Variants in CCDC78 observed in about 807,000 individuals in gnomAD.
CCDC78 encodes the protein coiled-coil domain containing 78, also known as coiled-coil domain-containing protein 78.
CCDC78 carries 78 observed loss-of-function variants against 61.9 expected under a neutral mutation model. That is an observed-to-expected ratio of 1.26 (90% confidence interval 1.05 to 1.52). The LOEUF is 1.52. Among genes scored for constraint, CCDC78 ranks in the 40% most tolerant of loss-of-function variants. The pLI, the probability that CCDC78 is intolerant of heterozygous loss-of-function variation, is 0.00. For synonymous variants in CCDC78, 287 were observed against 251.9 expected, an observed-to-expected ratio of 1.14 and a Z score of -1.32; for missense variants, 737 against 615.5, an observed-to-expected ratio of 1.20 and a Z score of -2.09.
chr16:723,552 C>T (rs1034419950), intron 11 of CCDC78: 13 of 675,536 alleles, frequency 1.9e-5, no homozygotes, highest in African/African-American at 8.8e-5. Context: ...GGTCACCAGG[C>T]GCCCTGCTCC....
rs769082660 is a variant in CCDC78, at chr16:723,959, C to T, written c.1054-23G>A. The T allele has an allele frequency of 1.4e-5, 23 of 1,599,790 alleles. No individual in the cohort carries two copies. The Admixed American group carries it at 2.2e-4, about 15-fold the overall frequency. ...GTGCTACAGAGGTTTGTGGTGGGGA[C>T]GTTTCAGTTGGCTGAACAAGGCAAG... On this transcript the variant is annotated intron_variant, in intron 10 of 13. Transcript: ENST00000345165.
chr16:724,149 A>G lies in CCDC78; in HGVS notation c.1010T>C (p.Leu337Ser). ...GAAGTCAGTGACCAGGGGCACGGGC[A>G]ATGGTTCCAGGTCCAAGCTGGCTAT... ...FDIASLDLEP[L>S]PVPLVTDFSH... Residue 337 changes from leucine to serine, a missense_variant, in exon 10 of 14, where the codon TTG (leucine) becomes TCG (serine). Coordinates refer to ENST00000345165, the MANE Select transcript of CCDC78 (RefSeq NM_001378030.1). 6.2e-7 allele frequency: 1 copy of G among 1,605,580 alleles called. No homozygotes were observed. Among genetic ancestry groups the G allele is most frequent in the Non-Finnish European group, 8.5e-7 (1 of 1,176,122 alleles).
rs2040625066 is a variant in CCDC78, at chr16:724,411, A to T, written c.864T>A (p.Arg288=). Residue 288 remains arginine, a synonymous_variant, in exon 9 of 14, where the codon CGT becomes CGA. Transcript: ENST00000345165. ...LEDIRAAHRS[R]EQQLARAARS... is the part of the protein sequence containing the mutation. The stretch of plus-strand genomic sequence containing the variant: ...GGGCAGCCCGGGCCAGCTGCTGCTC[A>T]CGGCTGCGGTGCGCTGCCCGGATGT... 6.2e-7 allele frequency: 1 copy of T among 1,610,276 alleles called. No individual in the cohort carries two copies. The highest frequency in any genetic ancestry group is 8.5e-7 in the Non-Finnish European group (1 of 1,179,924).
rs1191531311 is a variant in CCDC78, at chr16:723,137, G to A, written c.1158C>T (p.Ala386=). 6.2e-7 allele frequency: 1 copy of A among 1,612,664 alleles called. No individual in the cohort carries two copies. The highest frequency in any genetic ancestry group is 1.1e-5 in the South Asian group (1 of 91,086). Reference sequence around the variant, plus strand: ...AGTCCCGGAGCTTCTGGTGGATCTGGGCCCAGGATGCAGCGTCCAGGCCCC... The same window carrying A: ...AGTCCCGGAGCTTCTGGTGGATCTGAGCCCAGGATGCAGCGTCCAGGCCCC... ...EPQGLDAASW[A]QIHQKLRDFS... The change falls in exon 12 of 14, where the codon GCC becomes GCT. Residue 386 remains alanine, a synonymous_variant. Transcript: ENST00000345165.
rs769402064 is a variant in CCDC78, at chr16:722,678, C to G, written c.1413G>C (p.Ter471TyrextTer30). ...KPQHPRTGSH[*>Y] ...TCTGCTCTGCTCCTTGGGAGACGGC[C>G]TAGTGGCTGCCGGTCCTTGGATGCT... is the stretch of plus-strand genomic sequence containing the variant. Residue 471 changes from the stop codon to tyrosine, a stop_lost, in exon 14 of 14, where the codon TAG (stop) becomes TAC (tyrosine). Coordinates refer to ENST00000345165, the MANE Select transcript of CCDC78 (RefSeq NM_001378030.1). The G allele has an allele frequency of 6.2e-7, 1 of 1,605,236 alleles. No homozygotes were observed. Among genetic ancestry groups the G allele is most frequent in the Non-Finnish European group, 8.5e-7 (1 of 1,179,772 alleles).
At position 724,771 on chromosome 16, in the gene CCDC78, TGCCTGACGGA is replaced by T; in HGVS notation, c.665_674del (p.Leu222GlnfsTer15). 6.2e-7 allele frequency: 1 copy of T among 1,612,158 alleles called. No homozygotes were observed. Among genetic ancestry groups the T allele is most frequent in the Non-Finnish European group, 8.5e-7 (1 of 1,179,772 alleles). On this transcript the variant is annotated frameshift_variant, in exon 8 of 14. Coordinates refer to ENST00000345165, the MANE Select transcript of CCDC78 (RefSeq NM_001378030.1). LOFTEE classifies it high-confidence loss of function. ...GCTGCAGCCGGGCATTTTCAGCCTC[TGCCTGACGGA>T]GCTGGCCTTGGCAGCTGCACAGCAC...
At position 724,322 on chromosome 16, in the gene CCDC78, C is replaced by T. The variant is rs2040612709; in HGVS notation, c.953G>A (p.Arg318Lys). Residue 318 changes from arginine (R) to lysine (K), a missense_variant and splice_region_variant, in exon 9 of 14, where the codon AGG becomes AAG. Transcript: ENST00000345165. ...CACCTCCCATCCCAGCGGGGCCCAC[C>T]TGTAGGCAACCAGTAGCTCTTCATG... is the stretch of plus-strand genomic sequence containing the variant. Reference protein sequence around the residue: ...RRHEELLVAYRAPGNPQAIFD... With the variant: ...RRHEELLVAYKAPGNPQAIFD... The T allele has an allele frequency of 1.9e-6, 3 of 1,610,262 alleles. No individual in the cohort carries two copies. Among genetic ancestry groups the T allele is most frequent in the African/African-American group, 1.3e-5 (1 of 74,896 alleles).
In CCDC78 at chr16:723,134, C is replaced by A; in HGVS notation, c.1161G>T (p.Gln387His). The change falls in exon 12 of 14, where the codon CAG becomes CAT. Residue 387 changes from glutamine (Q) to histidine (H), a missense_variant. By Grantham distance (24) the Gln-to-His change is conservative. Coordinates refer to ENST00000345165, the MANE Select transcript of CCDC78 (RefSeq NM_001378030.1). ...PQGLDAASWA[Q>H]IHQKLRDFSR... ...AGAAGTCCCGGAGCTTCTGGTGGAT[C>A]TGGGCCCAGGATGCAGCGTCCAGGC... 1 of 1,612,672 alleles carries A rather than the reference C, an allele frequency of 6.2e-7. No homozygotes were observed. Among genetic ancestry groups the A allele is most frequent in the Non-Finnish European group, 8.5e-7 (1 of 1,180,004 alleles).
Position 724,697 on chromosome 16 carries a change from C to T in CCDC78, c.749G>A (p.Cys250Tyr), listed in dbSNP as rs1284432438. The change falls in exon 8 of 14, where the codon TGC (cysteine) becomes TAC (tyrosine). Residue 250 changes from cysteine to tyrosine, a missense_variant. Transcript: ENST00000345165. ...AGGGCTCACCACTGCCTGCCAGGCG[C>T]AGTGTTGCAGCCGTAGGACGTACTC... ...KDEYVLRLQH[C>Y]AWQAVEHADG... 5 of 1,611,364 alleles carry T rather than the reference C, an allele frequency of 3.1e-6. No individual in the cohort carries two copies. The highest frequency in any genetic ancestry group is 3.4e-6 in the Non-Finnish European group (4 of 1,179,728).
intron 3 of CCDC78, 49 bp from the exon 4 acceptor site, chr16:725,629 G>A: frequency 6.3e-7 from 1 of 1,590,644 alleles, no homozygotes; most frequent in Non-Finnish European, 8.6e-7. Context: ...GGGCCACCTG[G>A]GGTAGGTGAA....
rs759037918 is a variant in CCDC78, at chr16:724,144, C to A, written c.1015G>T (p.Val339Leu). 1.9e-6 allele frequency: 3 copies of A among 1,603,994 alleles called. No individual in the cohort carries two copies. The highest frequency in any genetic ancestry group is 1.7e-5 in the Admixed American group (1 of 58,698). ...TGGCTGAAGTCAGTGACCAGGGGCA[C>A]GGGCAATGGTTCCAGGTCCAAGCTG... ...IASLDLEPLPVPLVTDFSHRE... is the reference protein window; with the variant it reads ...IASLDLEPLPLPLVTDFSHRE... The change falls in exon 10 of 14, where the codon GTG (valine) becomes TTG (leucine). Residue 339 changes from valine to leucine, a missense_variant. Coordinates refer to ENST00000345165, the MANE Select transcript of CCDC78 (RefSeq NM_001378030.1).
chr16:725,368 C>G lies in CCDC78; in HGVS notation c.435+45G>C. The G allele has an allele frequency of 1.9e-6, 3 of 1,611,538 alleles. No homozygotes were observed. The Middle Eastern group carries it at 5.0e-4, about 267-fold the overall frequency. On this transcript the variant is annotated intron_variant, in intron 4 of 13. Coordinates refer to ENST00000345165, the MANE Select transcript of CCDC78 (RefSeq NM_001378030.1). ...TTCACTGAGGCCCCTGCTGAGGCTTCCCTCTGGCCTTTCCCAGCCAGGCTC... is the reference window on the plus strand; with the variant it reads ...TTCACTGAGGCCCCTGCTGAGGCTTGCCTCTGGCCTTTCCCAGCCAGGCTC...
At chr16:724,629 C>A in intron 8 of CCDC78, 52 bp downstream of exon 8, 2 of 1,589,844 alleles carry the variant, frequency 1.3e-6, no homozygotes, top group Non-Finnish European at 1.7e-6. Context: ...ATCCAGCACA[C>A]CCAGGCCAGG....
intron 10 of CCDC78, 78 bp from the exon 11 acceptor site, chr16:724,014 G>C: frequency 1.4e-6 from 2 of 1,431,928 alleles, no homozygotes; most frequent in Non-Finnish European, 1.9e-6. Context: ...TGAGGTCTCT[G>C]TTGAGCCCAG....
In CCDC78 at chr16:724,476, T is replaced by C; in HGVS notation, c.799A>G (p.Thr267Ala). The C allele has an allele frequency of 6.2e-7, 1 of 1,600,658 alleles. No homozygotes were observed. Among genetic ancestry groups the C allele is most frequent in the Non-Finnish European group, 8.5e-7 (1 of 1,179,634 alleles). ...HADGAGQAPA[T>A]TALRTFLEAT... ...TCCAGGAATGTCCGGAGGGCCGTGGTGGCTGGCGCTTGGCCTGCACCATCT... is the reference window on the plus strand; with the variant it reads ...TCCAGGAATGTCCGGAGGGCCGTGGCGGCTGGCGCTTGGCCTGCACCATCT... Residue 267 changes from threonine to alanine, a missense_variant, in exon 9 of 14, where the codon ACC becomes GCC. Coordinates refer to ENST00000345165, the MANE Select transcript of CCDC78 (RefSeq NM_001378030.1).
At chr16:723,761 G>A (rs1255979520) in intron 11 of CCDC78, 96 bp downstream of exon 11, 9 of 1,119,944 alleles carry the variant, frequency 8.0e-6, no homozygotes, top group South Asian at 1.3e-5. Context: ...CCTGTCTGGC[G>A]GGGGCTTGGT....
chr16:725,972 C>A lies in CCDC78; in HGVS notation c.174G>T (p.Gln58His). Residue 58 changes from glutamine (Q) to histidine (H), a missense_variant, in exon 2 of 14, where the codon CAG becomes CAT. Transcript: ENST00000345165. ...PPDLALNKEQ[Q>H]LQISKELVDI... is the part of the protein sequence containing the mutation. Reference sequence around the variant, plus strand: ...GCTGGGGCCCCACACCCACCTGCAGCTGCTGCTCCTTATTGAGCGCTAGAT... The same window carrying A: ...GCTGGGGCCCCACACCCACCTGCAGATGCTGCTCCTTATTGAGCGCTAGAT... The A allele has an allele frequency of 1.3e-6, 2 of 1,555,310 alleles. No individual in the cohort carries two copies. The highest frequency in any genetic ancestry group is 2.3e-5 in the South Asian group (2 of 85,118).
chr16:725,756 TC>T, intron 3 of CCDC78, 37 bp downstream of exon 3: 1 of 1,584,594 alleles, frequency 6.3e-7, no homozygotes, highest in African/African-American at 1.3e-5. Context: ...GCACCCCCCG[TC>T]CCCCATGCAC....
In CCDC78 at chr16:725,425, G is replaced by A. The variant is rs1343103829; in HGVS notation, c.423C>T (p.Asp141=). ...HKAQVPGHSD[D]HRFQVQPKNT... The stretch of plus-strand genomic sequence containing the variant: ...TGCTCATGGTAACCTGGAATCTGTG[G>A]TCATCAGAGTGTCCAGGCACCTGGG... The change falls in exon 4 of 14, where the codon GAC becomes GAT. Residue 141 remains aspartate (D), a synonymous_variant. Transcript: ENST00000345165. 3 of 1,612,686 alleles carry A rather than the reference G, an allele frequency of 1.9e-6. No individual in the cohort carries two copies. The highest frequency in any genetic ancestry group is 4.5e-5 in the East Asian group (2 of 44,880).
Sources: gnomAD v4.1 joint callset for allele counts on GRCh38, gnomAD v4.1.1 for gene constraint, MANE v1.5 for transcripts, NCBI Gene and HGNC (gene_info 2026-07-23, HGNC 2026-07-21) for gene names.